Variants in CRADD observed in about 807,000 individuals in gnomAD.
The protein encoded by CRADD is CARD and death domain containing adaptor protein, also known as death domain-containing protein CRADD.
In CRADD, 9 loss-of-function variants were observed where a neutral mutation model predicts 15.5. The observed-to-expected ratio is 0.58, with a 90% CI of 0.35 to 1.01. The LOEUF is 1.01. Ranked by LOEUF, CRADD falls within the 50% of genes least tolerant of loss-of-function variation. The probability of loss-of-function intolerance (pLI) is 0.02; values close to 1 mark genes in which losing one functional copy is unlikely to be tolerated. For synonymous variants in CRADD, 118 were observed against 107.6 expected, an observed-to-expected ratio of 1.10 and a Z score of -0.60; for missense variants, 227 against 250.3, an observed-to-expected ratio of 0.91 and a Z score of 0.63.
chr12:93,841,778 G>A (rs1958050027), intron 2 of CRADD, among the ~76,000 whole-genome samples: 1 of 152,128 alleles, frequency 6.6e-6, no homozygotes, highest in Non-Finnish European at 1.5e-5. Context: ...GCAGGATTTA[G>A]CCCTGTCTTC....
At chr12:93,680,488 G>C (rs911656890) in intron 2 of CRADD, among the ~76,000 whole-genome samples, 2 of 152,182 alleles carry the variant, frequency 1.3e-5, no homozygotes, top group African/African-American at 4.8e-5. Context: ...AGTGGAAAAA[G>C]CAAAAGTATT....
At chr12:93,724,408 G>T (rs1048449328) in intron 2 of CRADD, among the ~76,000 whole-genome samples, 1 of 151,642 alleles carries the variant, frequency 6.6e-6, no homozygotes, top group African/African-American at 2.4e-5. Flanking sequence ...TTCTGCTCCA[G>T]TATGTTGTGA....
At chr12:93,696,530 A>C (rs1023003720) in intron 2 of CRADD, among the ~76,000 whole-genome samples, 4 of 152,228 alleles carry the variant, frequency 2.6e-5, no homozygotes, top group Admixed American at 2.6e-4. Context: ...AATCTAAAAA[A>C]GTTGAACTCA....
intron 2 of CRADD, among the ~76,000 whole-genome samples, chr12:93,766,853 A>G (rs557748059): frequency 3.0e-4 from 45 of 152,366 alleles, no homozygotes; most frequent in Middle Eastern, 6.8e-3. Flanking sequence ...TGCCTAGAAC[A>G]GTGCCCAGAA....
intron 2 of CRADD, among the ~76,000 whole-genome samples, chr12:93,688,041 C>A (rs905274892): frequency 6.6e-6 from 1 of 152,182 alleles, no homozygotes; most frequent in Non-Finnish European, 1.5e-5. Context: ...GAGACAGAGT[C>A]TCCTGCTGAA....
intron 2 of CRADD, among the ~76,000 whole-genome samples, chr12:93,735,342 GT>G (rs1383546854): frequency 1.3e-5 from 2 of 152,196 alleles, no homozygotes; most frequent in Non-Finnish European, 2.9e-5. Flanking sequence ...TGGAAAGTTT[GT>G]AAAGTGGCAG....
intron 2 of CRADD, chr12:93,849,156 C>T (rs1454798349): frequency 6.6e-6 from 1 of 152,314 alleles, no homozygotes; most frequent in Admixed American, 6.5e-5. Context: ...TGTCCTCTAG[C>T]ACGTGCCTTT....
At chr12:93,807,785 C>T (rs1957556747) in intron 2 of CRADD, among the ~76,000 whole-genome samples, 1 of 151,824 alleles carries the variant, frequency 6.6e-6, no homozygotes, top group Non-Finnish European at 1.5e-5. Flanking sequence ...CAAATAAAAA[C>T]CAATGAGTAC....
At chr12:93,725,478 C>T (rs1956344576) in intron 2 of CRADD, among the ~76,000 whole-genome samples, 1 of 152,178 alleles carries the variant, frequency 6.6e-6, no homozygotes, top group African/African-American at 2.4e-5. Context: ...ACTTGAAAGG[C>T]CCTCATTCCA....
chr12:93,837,273 TTTTG>T (rs781270714), intron 2 of CRADD: 1 of 143,880 alleles, frequency 7.0e-6, no homozygotes, highest in Non-Finnish European at 1.5e-5. Flanking sequence ...GTTTGTTTGT[TTTTG>T]TTTTTTTTTT....
intron 2 of CRADD, among the ~76,000 whole-genome samples, chr12:93,842,469 C>G (rs1266183333): frequency 6.6e-6 from 1 of 152,070 alleles, no homozygotes; most frequent in African/African-American, 2.4e-5. Flanking sequence ...TGATCATCAG[C>G]TCCTGGAAAG....
intron 2 of CRADD, among the ~76,000 whole-genome samples, chr12:93,794,952 C>T (rs1957397339): frequency 6.6e-6 from 1 of 152,188 alleles, no homozygotes; most frequent in Non-Finnish European, 1.5e-5. Context: ...CCTCTTACTA[C>T]CTAGGTTTCG....
At position 93,850,037 on chromosome 12, in the gene CRADD, G is replaced by C; in HGVS notation, c.366G>C (p.Gln122His). 1 of 1,610,172 alleles carries C rather than the reference G, an allele frequency of 6.2e-7. No homozygotes were observed. Among genetic ancestry groups the C allele is most frequent in the East Asian group, 2.2e-5 (1 of 44,862 alleles). The stretch of plus-strand genomic sequence containing the variant: ...CCCCATCAGACCGGCAGATTAACCA[G>C]CTGGCCCAGAGGCTGGGCCCTGAGT... ...NSSPSDRQINQLAQRLGPEWE... is the reference protein window; with the variant it reads ...NSSPSDRQINHLAQRLGPEWE... Residue 122 changes from glutamine to histidine, a missense_variant, in exon 3 of 3, where the codon CAG becomes CAC. Coordinates refer to ENST00000332896, the MANE Select transcript of CRADD (RefSeq NM_003805.5). This position sits in a 1 kb window ranked among gnomAD's most constrained non-coding sequence, Gnocchi z 4.0.
intron 2 of CRADD, among the ~76,000 whole-genome samples, chr12:93,843,523 G>A (rs918887804): frequency 1.3e-5 from 2 of 150,948 alleles, no homozygotes; most frequent in African/African-American, 2.4e-5. Context: ...GGGAATACAG[G>A]TGCCCGCCAC....
chr12:93,803,475 G>A (rs753812279), intron 2 of CRADD, among the ~76,000 whole-genome samples: 4 of 152,070 alleles, frequency 2.6e-5, no homozygotes, highest in Non-Finnish European at 5.9e-5. Context: ...TACTGTAGTT[G>A]AGGCCATCTT....
intron 2 of CRADD, among the ~76,000 whole-genome samples, chr12:93,741,961 T>A (rs73361570): frequency 6.6e-6 from 1 of 152,140 alleles, no homozygotes; most frequent in Non-Finnish European, 1.5e-5. Context: ...CTACACGCCA[T>A]GATCTTTGTT....
At chr12:93,786,093 A>G (rs73363155) in intron 2 of CRADD, among the ~76,000 whole-genome samples, 1 of 152,206 alleles carries the variant, frequency 6.6e-6, no homozygotes, top group Non-Finnish European at 1.5e-5. Flanking sequence ...TGTAGGTTTG[A>G]TATAATGGAG....
intron 2 of CRADD, among the ~76,000 whole-genome samples, chr12:93,843,666 C>G (rs1230943303): frequency 8.6e-5 from 13 of 152,014 alleles, no homozygotes; most frequent in Admixed American, 8.5e-4. Context: ...AGGCGTGAGC[C>G]ACCGTGCCCA....
intron 2 of CRADD, among the ~76,000 whole-genome samples, chr12:93,843,849 T>C (rs1565936110): frequency 6.6e-6 from 1 of 152,008 alleles, no homozygotes; most frequent in African/African-American, 2.4e-5. Flanking sequence ...GCCTCCCAAG[T>C]AGCTGGAATT....
Sources: allele counts gnomAD v4.1 joint callset (sites outside exome capture counted in the v4.1 genomes callset), GRCh38; gene constraint gnomAD v4.1.1; non-coding constraint Gnocchi (gnomAD v3.1); transcripts MANE v1.5; gene names NCBI Gene and HGNC (gene_info 2026-07-23, HGNC 2026-07-21).